ITGA11: variants seen among roughly 807,000 people sequenced by gnomAD.
ITGA11 encodes integrin alpha-11.
ITGA11 carries 97 observed loss-of-function variants against 141.9 expected under a neutral mutation model. That is an observed-to-expected ratio of 0.68 (90% CI 0.58 to 0.81). ITGA11 has a LOEUF of 0.81. ITGA11 is among the 30% of genes least tolerant of loss of function. ITGA11 has a pLI of 0.00. For synonymous variants in ITGA11, 658 were observed against 624.6 expected (o/e 1.05, Z -0.80); for missense variants, 1,387 against 1,559.2 (o/e 0.89, Z 1.86).
At chr15:68,331,132 G>T (rs184630801) in intron 14 of ITGA11, 21 bp from the exon 15 acceptor site, 8 of 1,575,848 alleles carry the variant, frequency 5.1e-6, no homozygotes, top group African/African-American at 1.3e-5. Context: ...CGGGAAGAGA[G>T]GGGGAGGGCA....
At chr15:68,365,247 T>C in intron 3 of ITGA11, 1 of 985,436 alleles carries the variant, frequency 1.0e-6, no homozygotes, top group Non-Finnish European at 1.2e-6. Flanking sequence ...CTGTGCCCAC[T>C]TCTCTGCTCA....
At chr15:68,332,258 CG>C in intron 13 of ITGA11, 79 bp downstream of exon 13, 1 of 1,484,972 alleles carries the variant, frequency 6.7e-7, no homozygotes, top group Non-Finnish European at 9.1e-7. Flanking sequence ...TCGCTAGTAA[CG>C]CATTTCCGTC....
chr15:68,326,931 G>A lies in ITGA11; in HGVS notation c.2069-135C>T, dbSNP rs1439180277. 2 of 912,016 alleles carry A rather than the reference G, an allele frequency of 2.2e-6. No homozygotes were observed. The highest frequency in any genetic ancestry group is 1.6e-6 in the Non-Finnish European group (1 of 619,254). 56.5% of individuals were successfully genotyped at this position (912,016 alleles called of 1,614,324 possible). A position where few individuals can be genotyped will look rare whatever the true frequency, so the allele number is the denominator to read the frequency against. On this transcript the variant is annotated intron_variant, in intron 16 of 29. Coordinates refer to ENST00000315757, the MANE Select transcript of ITGA11 (RefSeq NM_001004439.2). The surrounding 1 kb of genome is among the most constrained non-coding windows in gnomAD (Gnocchi z 6.8). Reference sequence around the variant, plus strand: ...TCCTCTCACGAGCCCCAGTGTGGGTGAGAAACTCCCACATGGAGAGCAAGT... The same window carrying A: ...TCCTCTCACGAGCCCCAGTGTGGGTAAGAAACTCCCACATGGAGAGCAAGT...
intron 18 of ITGA11, among the ~76,000 whole-genome samples, chr15:68,323,819 A>G (rs2140292756): frequency 6.6e-6 from 1 of 152,280 alleles, no homozygotes; most frequent in African/African-American, 2.4e-5. Flanking sequence ...TCCTCCAGGA[A>G]GGCCCTCTGA....
intron 2 of ITGA11, among the ~76,000 whole-genome samples, chr15:68,380,642 T>C (rs1895837445): frequency 6.6e-6 from 1 of 152,052 alleles, no homozygotes; most frequent in Non-Finnish European, 1.5e-5. Flanking sequence ...GCATAATGAA[T>C]AGGTGTCACT....
chr15:68,331,194 GA>G, intron 14 of ITGA11, 83 bp from the exon 15 acceptor site: 1 of 1,283,938 alleles, frequency 7.8e-7, no homozygotes, highest in Non-Finnish European at 1.1e-6. Flanking sequence ...GAACAATCAG[GA>G]ACAATAGGGA....
intron 2 of ITGA11, among the ~76,000 whole-genome samples, chr15:68,373,232 T>C (rs967565): frequency 0.76 from 114,855 of 151,920 alleles, 43,948 homozygotes; most frequent in East Asian, 0.88. Flanking sequence ...TGGCCAATGT[T>C]GTAGTGTCAT....
At chr15:68,376,529 G>C (rs1895733728) in intron 2 of ITGA11, among the ~76,000 whole-genome samples, 1 of 152,256 alleles carries the variant, frequency 6.6e-6, no homozygotes, top group African/African-American at 2.4e-5. Context: ...ATCTGGCACA[G>C]AGTAGATCCT....
At chr15:68,357,414 G>T in intron 6 of ITGA11, 115 bp from the exon 7 acceptor site, 1 of 1,275,808 alleles carries the variant, frequency 7.8e-7, no homozygotes, top group South Asian at 1.6e-5. Context: ...CAGGAGGGAG[G>T]AGGGCTGAGG....
chr15:68,371,662 G>A (rs1595882128), intron 2 of ITGA11, among the ~76,000 whole-genome samples: 1 of 152,056 alleles, frequency 6.6e-6, no homozygotes, highest in South Asian at 2.1e-4. Context: ...AGGTTGCAGT[G>A]AGCCGAGATC....
At chr15:68,358,400 C>A in intron 6 of ITGA11, 58 bp downstream of exon 6, 1 of 1,531,918 alleles carries the variant, frequency 6.5e-7, no homozygotes, top group South Asian at 1.3e-5. Context: ...TAAGGCAGCA[C>A]CTGCCATGGG....
chr15:68,424,172 A>C (rs1280004064), intron 1 of ITGA11, among the ~76,000 whole-genome samples: 1 of 152,016 alleles, frequency 6.6e-6, no homozygotes, highest in Non-Finnish European at 1.5e-5. Flanking sequence ...ATCACTCCAC[A>C]CCTACCAGCT....
intron 1 of ITGA11, among the ~76,000 whole-genome samples, chr15:68,431,588 GAGGGCAGCCAGGGCAC>G: frequency 6.6e-6 from 1 of 152,200 alleles, no homozygotes; most frequent in Non-Finnish European, 1.5e-5. Context: ...AGCCAGGCAG[GAGGGCAGCCAGGGCAC>G]ACTCTCTTGG....
rs774379281 is a variant in ITGA11, at chr15:68,369,283, G to C, written c.166C>G (p.Leu56Val). ...GTTTCCAGTGGGGCGCCCACGACCA[G>C]CCTGGGAAGGAAGAGAAGATGAGCA... The part of the protein sequence containing the change: ...QQHDISGNKW[L>V]VVGAPLETNG... The change falls in exon 3 of 30, where the codon CTG (leucine) becomes GTG (valine). Residue 56 changes from leucine to valine, a missense_variant and splice_region_variant. Coordinates refer to ENST00000315757, the MANE Select transcript of ITGA11 (RefSeq NM_001004439.2). 1 of 1,612,652 alleles carries C rather than the reference G, an allele frequency of 6.2e-7. No homozygotes were observed. The highest frequency in any genetic ancestry group is 8.5e-7 in the Non-Finnish European group (1 of 1,179,040).
intron 1 of ITGA11, among the ~76,000 whole-genome samples, chr15:68,409,401 T>C (rs1896718276): frequency 6.6e-6 from 1 of 152,108 alleles, no homozygotes; most frequent in African/African-American, 2.4e-5. Context: ...CTTCTGAGAA[T>C]CTGTTCTCAG....
At position 68,363,938 on chromosome 15, in the gene ITGA11, C is replaced by G. The variant is rs78475079; in HGVS notation, c.357+769G>C. 4.4e-3 allele frequency among the ~76,000 whole-genome samples: 669 copies of G among 152,316 alleles called. 35 individuals carry two copies. The East Asian group carries it at 0.11, about 25-fold the overall frequency. The stretch of plus-strand genomic sequence containing the variant: ...CCCCAAAGTCCTATTAGACATTACT[C>G]GTTTGCTTGTCGCCTCTCTTTCCAC... On this transcript the variant is annotated intron_variant, in intron 4 of 29. Coordinates refer to ENST00000315757, the MANE Select transcript of ITGA11 (RefSeq NM_001004439.2).
At chr15:68,374,752 G>T (rs975770698) in intron 2 of ITGA11, among the ~76,000 whole-genome samples, 2 of 152,224 alleles carry the variant, frequency 1.3e-5, no homozygotes, top group African/African-American at 4.8e-5. Context: ...GAGACCAGAG[G>T]CTGGCATGGA....
At chr15:68,360,921 C>T (rs1895223503) in intron 5 of ITGA11, among the ~76,000 whole-genome samples, 1 of 152,050 alleles carries the variant, frequency 6.6e-6, no homozygotes, top group Non-Finnish European at 1.5e-5. Flanking sequence ...ATTCCCGAAC[C>T]CTCCATAAAA....
Position 68,432,001 on chromosome 15 carries a change from G to A in ITGA11, c.52+14C>T. 2 of 1,306,990 alleles carry A rather than the reference G, an allele frequency of 1.5e-6. No individual in the cohort carries two copies. Among genetic ancestry groups the A allele is most frequent in the Non-Finnish European group, 2.0e-6 (2 of 1,023,148 alleles). 81.0% of individuals were successfully genotyped at this position (1,306,990 alleles called of 1,614,324 possible). ...ACTCCGAGAGGCAAGGGGAGGCAGAGGGTGGGCACCTACCTGGCCACAGGC... is the reference window on the plus strand; with the variant it reads ...ACTCCGAGAGGCAAGGGGAGGCAGAAGGTGGGCACCTACCTGGCCACAGGC... On this transcript the variant is annotated intron_variant, in intron 1 of 29. Coordinates refer to ENST00000315757, the MANE Select transcript of ITGA11 (RefSeq NM_001004439.2).
Sources: gnomAD v4.1 joint callset for allele counts (sites outside exome capture counted in the v4.1 genomes callset) on GRCh38, gnomAD v4.1.1 for gene constraint, Gnocchi (gnomAD v3.1) non-coding constraint, MANE v1.5 for transcripts, NCBI Gene and HGNC (gene_info 2026-07-23, HGNC 2026-07-21) for gene names.